ARSK: variants seen among roughly 807,000 people sequenced by gnomAD.
The protein encoded by ARSK is arylsulfatase family member K, also known as arylsulfatase K.
In ARSK, 37 loss-of-function variants were observed where a neutral mutation model predicts 53.2. The observed-to-expected ratio is 0.70, with a 90% confidence interval of 0.54 to 0.92. The LOEUF (loss-of-function observed/expected upper bound fraction) is 0.92. Ranked by LOEUF, ARSK falls within the 40% of genes least tolerant of loss-of-function variation. ARSK has a pLI of 0.00. For missense variants in ARSK, 613 were observed against 643.0 expected, an observed-to-expected ratio of 0.95 and a Z score of 0.51; for synonymous variants, 208 against 223.2, an observed-to-expected ratio of 0.93 and a Z score of 0.61.
rs569876329 is a variant in ARSK at position 95,600,596 on chromosome 5, C to G, written c.1097-251C>G. ...AAACCTAAAATGAACCTAATAAATA[C>G]AAGTACTGTGGTCATCCCCTTCTTA... is the stretch of plus-strand genomic sequence containing the variant. On this transcript the variant is annotated intron_variant, in intron 6 of 7. Coordinates refer to ENST00000380009, the MANE Select transcript of ARSK (RefSeq NM_198150.3). 15 of 629,444 alleles carry G rather than the reference C, an allele frequency of 2.4e-5. No homozygotes were observed. The East Asian group carries it at 4.9e-4, about 21-fold the overall frequency. 39.0% of individuals were successfully genotyped at this position (629,444 alleles called of 1,614,324 possible). A position where few individuals can be genotyped will look rare whatever the true frequency, so the allele number is the denominator to read the frequency against.
At chr5:95,594,825 G>A (rs534970161) in intron 6 of ARSK, among the ~76,000 whole-genome samples, 32 of 145,820 alleles carry the variant, frequency 2.2e-4, no homozygotes, top group African/African-American at 7.6e-4. Flanking sequence ...GGGTGACAGA[G>A]CGAGACTACG....
At chr5:95,591,695 G>A (rs1749220291) in intron 6 of ARSK, 70 bp downstream of exon 6, 4 of 1,490,950 alleles carry the variant, frequency 2.7e-6, no homozygotes, top group South Asian at 2.3e-5. Flanking sequence ...TTGTCAGTGA[G>A]TCAGTCTTTC....
chr5:95,571,485 A>G (rs1748830424), intron 3 of ARSK, among the ~76,000 whole-genome samples: 1 of 152,262 alleles, frequency 6.6e-6, no homozygotes, highest in Non-Finnish European at 1.5e-5. Flanking sequence ...ACACAGGATC[A>G]TATCACTTGT....
intron 1 of ARSK, among the ~76,000 whole-genome samples, chr5:95,557,343 T>C (rs1264648241): frequency 1.3e-5 from 2 of 152,256 alleles, no homozygotes; most frequent in African/African-American, 4.8e-5. Flanking sequence ...TGTGAGATCA[T>C]ACTGATACTT....
intron 6 of ARSK, among the ~76,000 whole-genome samples, chr5:95,593,881 A>G (rs1293430734): frequency 2.0e-5 from 3 of 152,034 alleles, no homozygotes; most frequent in African/African-American, 2.4e-5. Flanking sequence ...TTTATTTTTC[A>G]TAAGATTCTT....
intron 2 of ARSK, among the ~76,000 whole-genome samples, chr5:95,567,505 A>G (rs1288136819): frequency 6.6e-6 from 1 of 152,220 alleles, no homozygotes; most frequent in African/African-American, 2.4e-5. Flanking sequence ...GAAGATCCTT[A>G]AGGATGTTGG....
intron 3 of ARSK, among the ~76,000 whole-genome samples, chr5:95,572,813 T>C (rs1748858103): frequency 6.6e-6 from 1 of 151,924 alleles, no homozygotes; most frequent in Admixed American, 6.6e-5. Context: ...TGCCTTCAGG[T>C]AAAATTTTGT....
intron 6 of ARSK, among the ~76,000 whole-genome samples, chr5:95,595,663 A>G (rs1749296481): frequency 6.7e-6 from 1 of 150,168 alleles, no homozygotes; most frequent in African/African-American, 2.4e-5. Context: ...ACTGGGGACT[A>G]CTAGAAGGGA....
intron 1 of ARSK, among the ~76,000 whole-genome samples, chr5:95,564,684 C>A (rs544896934): frequency 6.6e-6 from 1 of 152,250 alleles, no homozygotes; most frequent in African/African-American, 2.4e-5. Context: ...ATTTCAGGTG[C>A]ATTCTCAACA....
At chr5:95,579,174 C>T (rs1748979174) in intron 3 of ARSK, among the ~76,000 whole-genome samples, 1 of 152,240 alleles carries the variant, frequency 6.6e-6, no homozygotes, top group South Asian at 2.1e-4. Context: ...TTAAACTGTG[C>T]ATCTCAAACC....
Position 95,586,752 on chromosome 5 carries a change from A to C in ARSK, c.871+19A>C. ...ATGCTTGGTAGGTGGTATAATTAAT[A>C]AGCAATTACATGAAGAAAAATTATA... is the stretch of plus-strand genomic sequence containing the variant. On this transcript the variant is annotated intron_variant, in intron 5 of 7. Coordinates refer to ENST00000380009, the MANE Select transcript of ARSK (RefSeq NM_198150.3). 1 of 1,545,188 alleles carries C rather than the reference A, an allele frequency of 6.5e-7. No homozygotes were observed. Among genetic ancestry groups the C allele is most frequent in the East Asian group, 2.3e-5 (1 of 43,418 alleles).
At position 95,555,543 on chromosome 5, in the gene ARSK, A is replaced by T; in HGVS notation, c.126+139A>T. 1.1e-6 allele frequency: 1 copy of T among 941,404 alleles called. No individual in the cohort carries two copies. The highest frequency in any genetic ancestry group is 1.9e-5 in the South Asian group (1 of 53,344). 58.3% of individuals were successfully genotyped at this position (941,404 alleles called of 1,614,324 possible). ...TACCCCGATGCAAAGAAAGAAATAC[A>T]TTTTATGTGAGGCCCCGTGTACTCA... On this transcript the variant is annotated intron_variant, in intron 1 of 7. Transcript: ENST00000380009. This position sits in a 1 kb window ranked among gnomAD's most constrained non-coding sequence, Gnocchi z 4.0.
rs111932412 is a variant in ARSK, at chr5:95,586,789, A to G, written c.871+56A>G. On this transcript the variant is annotated intron_variant, in intron 5 of 7. Transcript: ENST00000380009. Reference sequence around the variant, plus strand: ...GAAGAAAAATTATAATATTTTTCCAACAGTCTGTAATCATGCTGCTTGGTG... The same window carrying G: ...GAAGAAAAATTATAATATTTTTCCAGCAGTCTGTAATCATGCTGCTTGGTG... 237 of 1,432,030 alleles carry G rather than the reference A, an allele frequency of 1.7e-4. 1 individual carries two copies. In the African/African-American group the frequency reaches 2.1e-3, roughly 13 times the overall value. The allele number at this position is 1,432,030 out of a possible 1,614,324, so 88.7% of individuals were successfully genotyped here.
intron 2 of ARSK, among the ~76,000 whole-genome samples, chr5:95,566,424 C>T (rs1748727916): frequency 6.6e-6 from 1 of 152,112 alleles, no homozygotes; most frequent in Non-Finnish European, 1.5e-5. Context: ...AGGGAATACT[C>T]ATATTTCCTA....
chr5:95,560,201 G>T (rs1212069362), intron 1 of ARSK, among the ~76,000 whole-genome samples: 2 of 152,006 alleles, frequency 1.3e-5, no homozygotes, highest in Non-Finnish European at 2.9e-5. Flanking sequence ...TAAATGAACA[G>T]ACATCCCCTT....
intron 6 of ARSK, among the ~76,000 whole-genome samples, chr5:95,594,004 ATCTC>A (rs1319679064): frequency 6.6e-6 from 1 of 152,184 alleles, no homozygotes; most frequent in East Asian, 1.9e-4. Flanking sequence ...TCAAAAATAA[ATCTC>A]TCCAATTCTA....
intron 2 of ARSK, among the ~76,000 whole-genome samples, chr5:95,567,540 G>A (rs1748745590): frequency 6.6e-6 from 1 of 152,176 alleles, no homozygotes; most frequent in Admixed American, 6.5e-5. Context: ...TACTTCAATT[G>A]TCTGATTTAG....
In ARSK at chr5:95,568,029, T is replaced by C; in HGVS notation, c.396T>C (p.Thr132=). ...AGAAATTTGGGAAACTGGACTATAC[T>C]TCAGGACATCACTCCATTAGGTAAA... ...RTQKFGKLDY[T]SGHHSISNRV... is the part of the protein sequence containing the mutation. Residue 132 remains threonine (T), a synonymous_variant, in exon 3 of 8, where the codon ACT becomes ACC. Transcript: ENST00000380009. 6.2e-7 allele frequency: 1 copy of C among 1,613,586 alleles called. No homozygotes were observed. Among genetic ancestry groups the C allele is most frequent in the Non-Finnish European group, 8.5e-7 (1 of 1,179,728 alleles).
At chr5:95,572,093 C>G (rs1162537395) in intron 3 of ARSK, among the ~76,000 whole-genome samples, 1 of 152,084 alleles carries the variant, frequency 6.6e-6, no homozygotes, top group East Asian at 1.9e-4. Flanking sequence ...TAGGCATCAG[C>G]GATGCTTCCT....
Sources: gnomAD v4.1 joint callset for allele counts (sites outside exome capture counted in the v4.1 genomes callset) on GRCh38, gnomAD v4.1.1 for gene constraint, Gnocchi (gnomAD v3.1) non-coding constraint, MANE v1.5 for transcripts, NCBI Gene and HGNC (gene_info 2026-07-23, HGNC 2026-07-21) for gene names.